FALEC: variants seen among roughly 807,000 people sequenced by gnomAD.
FALEC encodes the protein focally amplified lncRNA regulator of ECM1, also known as focally amplified lncRNA on chromosome 1.
chr1:150,527,482 C>T, the FALEC span, among the ~76,000 whole-genome samples: 4 of 151,976 alleles, frequency 2.6e-5, no homozygotes, highest in Non-Finnish European at 5.9e-5. Flanking sequence ...TGGTCTTAAG[C>T]TCCTGACCTC....
the FALEC span, among the ~76,000 whole-genome samples, chr1:150,536,040 A>G: frequency 2.1e-4 from 32 of 152,358 alleles, no homozygotes; most frequent in Middle Eastern, 0.01. Context: ...TGAAAAGTTA[A>G]TAACATAAGG....
the FALEC span, among the ~76,000 whole-genome samples, chr1:150,533,082 C>T: frequency 2.6e-5 from 4 of 152,184 alleles, no homozygotes; most frequent in South Asian, 8.3e-4. Context: ...GGGATGAGGC[C>T]AGGGAGGAGG....
the FALEC span, among the ~76,000 whole-genome samples, chr1:150,528,793 T>C: frequency 6.6e-6 from 1 of 151,888 alleles, no homozygotes; most frequent in Non-Finnish European, 1.5e-5. Flanking sequence ...TTCACCATGT[T>C]AGCCAGGATG....
exon 1 of FALEC, chr1:150,515,864 G>C (rs1670561355): frequency 6.6e-6 from 1 of 152,338 alleles, no homozygotes; most frequent in East Asian, 1.9e-4. Context: ...TCCTGGCCTG[G>C]GTCGCCCCAG....
At chr1:150,532,134 C>G in the FALEC span, among the ~76,000 whole-genome samples, 1 of 152,202 alleles carries the variant, frequency 6.6e-6, no homozygotes, top group Non-Finnish European at 1.5e-5. Context: ...GTCTTGATCT[C>G]CTGACCTCCT....
At chr1:150,525,092 C>T in the FALEC span, among the ~76,000 whole-genome samples, 4 of 151,538 alleles carry the variant, frequency 2.6e-5, no homozygotes, top group African/African-American at 7.3e-5. Context: ...GTCAGGAGTT[C>T]GAGACCAGCC....
downstream of FALEC, among the ~76,000 whole-genome samples, chr1:150,522,979 A>T (rs1421802265): frequency 0.16 from 3,688 of 22,750 alleles, 1,043 homozygotes; most frequent in African/African-American, 0.31. Flanking sequence ...ATATATATAT[A>T]TATATTTTTT....
At chr1:150,516,317 TGCAAAGTGCAGC>T (rs1417525390) in intron 1 of FALEC, among the ~76,000 whole-genome samples, 1 of 152,098 alleles carries the variant, frequency 6.6e-6, no homozygotes, top group Non-Finnish European at 1.5e-5. Context: ...GAGCTGCGTT[TGCAAAGTGCAGC>T]GCCAAATGCT....
chr1:150,522,880 T>C (rs1024346604), downstream of FALEC, among the ~76,000 whole-genome samples: 1 of 113,246 alleles, frequency 8.8e-6, no homozygotes, highest in Non-Finnish European at 1.8e-5. Context: ...TATATACATA[T>C]ATATATACGT....
chr1:150,519,078 T>C (rs1224508458), downstream of FALEC, among the ~76,000 whole-genome samples: 1 of 151,968 alleles, frequency 6.6e-6, no homozygotes, highest in Non-Finnish European at 1.5e-5. Context: ...AAATTAATAA[T>C]AAAAGTATGC....
chr1:150,531,944 G>A, the FALEC span, among the ~76,000 whole-genome samples: 8 of 152,278 alleles, frequency 5.3e-5, no homozygotes, highest in Admixed American at 2.0e-4. Flanking sequence ...TTGCTCTGTC[G>A]CCCAGGCTGG....
chr1:150,522,969 A>ATTTTTTT (rs1560270834), downstream of FALEC, among the ~76,000 whole-genome samples: 1 of 32,724 alleles, frequency 3.1e-5, no homozygotes, highest in Non-Finnish European at 5.9e-5. Context: ...ATATATATAT[A>ATTTTTTT]TATATATATA....
chr1:150,523,293 T>C, the FALEC span, among the ~76,000 whole-genome samples: 2 of 150,066 alleles, frequency 1.3e-5, no homozygotes, highest in East Asian at 4.0e-4. Flanking sequence ...GCGCCTGGCA[T>C]ATATTATTAA....
chr1:150,525,334 A>G, the FALEC span, among the ~76,000 whole-genome samples: 6 of 152,126 alleles, frequency 3.9e-5, no homozygotes, highest in African/African-American at 1.4e-4. Flanking sequence ...GTGTGGTGCC[A>G]TGCACCTGTG....
chr1:150,532,189 G>A, the FALEC span, among the ~76,000 whole-genome samples: 141 of 152,330 alleles, frequency 9.3e-4, 1 homozygote, highest in Middle Eastern at 3.4e-3. Flanking sequence ...TTACAGGCAT[G>A]AGCCACCGCA....
At chr1:150,524,551 A>C in the FALEC span, among the ~76,000 whole-genome samples, 1 of 152,226 alleles carries the variant, frequency 6.6e-6, no homozygotes, top group Non-Finnish European at 1.5e-5. Context: ...CTCATACCTC[A>C]ATAATAAGAC....
downstream of FALEC, among the ~76,000 whole-genome samples, chr1:150,519,711 G>T (rs997458791): frequency 1.3e-5 from 2 of 152,002 alleles, no homozygotes; most frequent in African/African-American, 4.8e-5. Context: ...AAAAAAATTA[G>T]CCGGGCATGG....
the FALEC span, among the ~76,000 whole-genome samples, chr1:150,528,583 A>C: frequency 1.4e-5 from 2 of 140,888 alleles, no homozygotes; most frequent in Admixed American, 1.4e-4. Context: ...ATTACTATTA[A>C]TTTTTTTTTT....
the FALEC span, among the ~76,000 whole-genome samples, chr1:150,531,354 A>T: frequency 0.017 from 2,577 of 152,156 alleles, 75 homozygotes; most frequent in African/African-American, 0.057. Flanking sequence ...ATTAGCCTGT[A>T]ATCCCAGCTA....
Sources: allele counts gnomAD v4.1 joint callset (sites outside exome capture counted in the v4.1 genomes callset), GRCh38; gene constraint gnomAD v4.1.1; transcripts MANE v1.5; gene names NCBI Gene and HGNC (gene_info 2026-07-23, HGNC 2026-07-21).